The following HECW1 variants were observed in gnomAD, a reference collection of about 807,000 sequenced individuals.
HECW1 encodes HECT, C2 and WW domain containing E3 ubiquitin protein ligase 1, also known as E3 ubiquitin-protein ligase HECW1.
In HECW1, 61 loss-of-function variants were observed where a neutral mutation model predicts 182.3. The ratio of observed to expected loss-of-function variants is 0.33; its 90% CI spans 0.27 to 0.41. The LOEUF is 0.41. Among genes scored for constraint, HECW1 ranks in the 10% least tolerant of loss-of-function variants. HECW1 has a pLI of 1.00. For missense variants in HECW1, 1,739 were observed against 2,108.9 expected (o/e 0.82, Z 3.44); for synonymous variants, 859 against 832.6 (o/e 1.03, Z -0.55).
chr7:43,343,812 T>C (rs149522434), intron 5 of HECW1, among the ~76,000 whole-genome samples: 4,972 of 151,958 alleles, frequency 0.033, 416 homozygotes, highest in African/African-American at 0.11. Flanking sequence ...TTTCTAGTTC[T>C]AGATCCTTGA....
intron 29 of HECW1, 92 bp downstream of exon 29, chr7:43,554,882 G>C (rs2081967932): frequency 5.0e-6 from 6 of 1,189,582 alleles, no homozygotes; most frequent in Non-Finnish European, 7.1e-6. Context: ...CTTTGGGATG[G>C]AATTCTTTCC....
intron 17 of HECW1, 99 bp from the exon 18 acceptor site, chr7:43,491,976 A>C: frequency 1.2e-6 from 1 of 806,568 alleles, no homozygotes; most frequent in Non-Finnish European, 2.0e-6. Context: ...AACTTAGGTG[A>C]CTTCAAAATC....
At chr7:43,250,394 G>C (rs1255184731) in intron 3 of HECW1, among the ~76,000 whole-genome samples, 1 of 152,154 alleles carries the variant, frequency 6.6e-6, no homozygotes, top group Non-Finnish European at 1.5e-5. Context: ...AGCGCCTACT[G>C]TGTACCAGAT....
intron 4 of HECW1, among the ~76,000 whole-genome samples, chr7:43,313,975 GGTTT>G (rs1046490768): frequency 1.6e-4 from 25 of 152,032 alleles, no homozygotes; most frequent in Non-Finnish European, 2.5e-4. Context: ...TTTTGGTTTT[GGTTT>G]GTTTTTTGGT....
chr7:43,142,817 C>G (rs529233150), intron 2 of HECW1, among the ~76,000 whole-genome samples: 1 of 152,176 alleles, frequency 6.6e-6, no homozygotes, highest in Non-Finnish European at 1.5e-5. Flanking sequence ...GCTTGTCTTG[C>G]ATCCACTCCT....
At chr7:43,379,519 C>T (rs977446625) in intron 6 of HECW1, among the ~76,000 whole-genome samples, 4 of 152,176 alleles carry the variant, frequency 2.6e-5, no homozygotes, top group African/African-American at 9.6e-5. Context: ...CATTACATAA[C>T]GATTCCACTC....
intron 8 of HECW1, among the ~76,000 whole-genome samples, chr7:43,429,316 AT>A (rs2152863978): frequency 7.2e-6 from 1 of 138,052 alleles, no homozygotes; most frequent in African/African-American, 2.7e-5. Flanking sequence ...ATATATATAT[AT>A]ATATATATAT....
chr7:43,460,542 G>A (rs755271859), intron 13 of HECW1, among the ~76,000 whole-genome samples: 128 of 151,956 alleles, frequency 8.4e-4, no homozygotes, highest in Non-Finnish European at 7.8e-4. Flanking sequence ...GCGCGCGTGC[G>A]TGTGTGTGCG....
intron 3 of HECW1, among the ~76,000 whole-genome samples, chr7:43,280,044 G>A (rs1352440740): frequency 1.3e-5 from 2 of 152,156 alleles, no homozygotes; most frequent in Non-Finnish European, 2.9e-5. Flanking sequence ...GAATGGGATT[G>A]GGGTGGTCTC....
At chr7:43,404,809 T>C (rs1018111996) in intron 7 of HECW1, among the ~76,000 whole-genome samples, 23 of 152,076 alleles carry the variant, frequency 1.5e-4, no homozygotes, top group Non-Finnish European at 4.4e-5. Flanking sequence ...ACCCTATCCC[T>C]ACTAAAAATA....
intron 5 of HECW1, among the ~76,000 whole-genome samples, chr7:43,352,985 T>A (rs1814654176): frequency 6.6e-6 from 1 of 152,138 alleles, no homozygotes; most frequent in Admixed American, 6.5e-5. Flanking sequence ...CTCCTTTCTT[T>A]AAGTGGTAAT....
chr7:43,245,089 C>G (rs1799255719), intron 3 of HECW1, among the ~76,000 whole-genome samples: 1 of 152,236 alleles, frequency 6.6e-6, no homozygotes, highest in Non-Finnish European at 1.5e-5. Flanking sequence ...ATTAAGGAAG[C>G]ATTAAATTAA....
chr7:43,458,705 G>A (rs1488367945), intron 13 of HECW1, among the ~76,000 whole-genome samples: 1 of 152,074 alleles, frequency 6.6e-6, no homozygotes, highest in Admixed American at 6.5e-5. Flanking sequence ...TTTTGTATTT[G>A]GCATTATAAC....
chr7:43,129,026 C>A (rs1786607604), intron 2 of HECW1, among the ~76,000 whole-genome samples: 1 of 152,108 alleles, frequency 6.6e-6, no homozygotes. Flanking sequence ...AAAGTGATTT[C>A]TTGAGATGAA....
chr7:43,361,254 T>A (rs912606592), intron 6 of HECW1, among the ~76,000 whole-genome samples: 1 of 152,242 alleles, frequency 6.6e-6, no homozygotes, highest in African/African-American at 2.4e-5. Flanking sequence ...TTTCCTTAGA[T>A]GGCCAAATGT....
rs540645409 is a variant in HECW1, at chr7:43,198,170, CCCA to C, written c.-31-45703_-31-45701del. Reference sequence around the variant, plus strand: ...CTCTCACACTCATACTCACGCACACCCCACATTCACACACACAGCACACACATT... The same window carrying C: ...CTCTCACACTCATACTCACGCACACCCATTCACACACACAGCACACACATT... On this transcript the variant is annotated intron_variant, in intron 2 of 29. Coordinates refer to ENST00000395891, the MANE Select transcript of HECW1 (RefSeq NM_015052.5). 2.7e-3 allele frequency among the ~76,000 whole-genome samples: 412 copies of C among 150,068 alleles called. 1 individual carries two copies. Among genetic ancestry groups the C allele is most frequent in the South Asian group, 0.011 (50 of 4,692 alleles).
At chr7:43,443,850 C>T (rs2076962672) in intron 10 of HECW1, among the ~76,000 whole-genome samples, 1 of 152,178 alleles carries the variant, frequency 6.6e-6, no homozygotes, top group Admixed American at 6.5e-5. Flanking sequence ...CATCAAGGAG[C>T]TATAAATAAC....
chr7:43,459,865 A>G (rs1349272204), intron 13 of HECW1, among the ~76,000 whole-genome samples: 1 of 152,178 alleles, frequency 6.6e-6, no homozygotes, highest in East Asian at 1.9e-4. Flanking sequence ...ACATGTATCC[A>G]TCTTCAATTT....
At chr7:43,487,121 C>T (rs901122408) in intron 17 of HECW1, among the ~76,000 whole-genome samples, 2 of 152,166 alleles carry the variant, frequency 1.3e-5, no homozygotes, top group East Asian at 3.8e-4. Flanking sequence ...TCCTTTGAGC[C>T]CTTCCTGTGA....
Sources: allele counts gnomAD v4.1 joint callset (sites outside exome capture counted in the v4.1 genomes callset), GRCh38; gene constraint gnomAD v4.1.1; transcripts MANE v1.5; gene names NCBI Gene and HGNC (gene_info 2026-07-23, HGNC 2026-07-21).